STK40: variants seen among roughly 807,000 people sequenced by gnomAD.
STK40 encodes the protein serine/threonine-protein kinase 40.
A neutral mutation model predicts 47.9 loss-of-function variants in STK40; 13 were observed. The ratio of observed to expected loss-of-function variants is 0.27; its 90% confidence interval spans 0.18 to 0.43. The LOEUF (loss-of-function observed/expected upper bound fraction) is 0.43. Ranked by LOEUF, STK40 falls within the 20% of genes least tolerant of loss-of-function variation. The pLI is 1.00. For synonymous variants in STK40, 225 were observed against 243.2 expected, an observed-to-expected ratio of 0.93 and a Z score of 0.69; for missense variants, 460 against 595.1, an observed-to-expected ratio of 0.77 and a Z score of 2.36.
At chr1:36,377,447 T>C (rs1012248423) in intron 1 of STK40, among the ~76,000 whole-genome samples, 2 of 148,298 alleles carry the variant, frequency 1.3e-5, no homozygotes, top group Admixed American at 6.8e-5. Context: ...GCAGGAGAAT[T>C]GCTTGAACCT....
chr1:36,346,009 T>TTTTTTTTTTTC (rs1436531127), intron 7 of STK40, among the ~76,000 whole-genome samples: 3 of 122,046 alleles, frequency 2.5e-5, no homozygotes, highest in African/African-American at 7.6e-5. Flanking sequence ...TTTTTTTTTT[T>TTTTTTTTTTTC]CCTGAGACAG....
intron 1 of STK40, among the ~76,000 whole-genome samples, chr1:36,380,526 C>A (rs527328660): frequency 1.3e-5 from 2 of 152,318 alleles, no homozygotes; most frequent in East Asian, 3.9e-4. Context: ...CAGCTTCAGG[C>A]AGCAAATCCA....
At position 36,358,288 on chromosome 1, in the gene STK40, G is replaced by A; in HGVS notation, c.293C>T (p.Ser98Phe). 6.2e-7 allele frequency: 1 copy of A among 1,608,652 alleles called. No individual in the cohort carries two copies. The highest frequency in any genetic ancestry group is 8.5e-7 in the Non-Finnish European group (1 of 1,175,502). ...CACGCCATCCTGCGTGTGCAGGAGA[G>A]ACAGCAGTGAGTACTCGGTGTGCAG... The part of the protein sequence containing the change: ...MLLHTEYSLL[S>F]LLHTQDGVVH... Residue 98 changes from serine (S) to phenylalanine (F), a missense_variant, in exon 4 of 11, where the codon TCT becomes TTT. Physicochemically the swap from Ser to Phe is radical, Grantham distance 155. Coordinates refer to ENST00000373132, the MANE Select transcript of STK40 (RefSeq NM_001282547.2).
chr1:36,368,665 A>T (rs1174711960), intron 1 of STK40, among the ~76,000 whole-genome samples: 16 of 152,238 alleles, frequency 1.1e-4, no homozygotes, highest in Admixed American at 1.0e-3. Context: ...TCCATGTCAG[A>T]CAGTTAAAGA....
intron 4 of STK40, among the ~76,000 whole-genome samples, chr1:36,357,497 T>C (rs1035397074): frequency 5.3e-5 from 8 of 152,218 alleles, no homozygotes; most frequent in Non-Finnish European, 1.2e-4. Context: ...GAATGGTTCT[T>C]GTCAGGTACA....
At chr1:36,346,710 T>A (rs1465218846) in intron 7 of STK40, among the ~76,000 whole-genome samples, 1 of 152,208 alleles carries the variant, frequency 6.6e-6, no homozygotes, top group Non-Finnish European at 1.5e-5. Context: ...CCTCCAAGAC[T>A]GGCACGAGTC....
At position 36,343,404 on chromosome 1, in the gene STK40, T is replaced by A. The variant is rs1449900598; in HGVS notation, c.1049A>T (p.Asp350Val). Residue 350 changes from aspartate (D) to valine (V), a missense_variant, in exon 10 of 11, where the codon GAC becomes GTC. This residue lies in a region of STK40 where 181 missense variants were observed against 218.9 expected (regional missense o/e 0.83). Transcript: ENST00000373132. ...CGCATTGCTCATTTGGTCATCAATG[T>A]CAGGAACCACTTGCAAAGGCCCACT... ...SLSGPLQVVP[D>V]IDDQMSNADS... 3.7e-6 allele frequency: 6 copies of A among 1,613,746 alleles called. No homozygotes were observed. The South Asian group carries it at 6.6e-5, about 18-fold the overall frequency.
intron 1 of STK40, among the ~76,000 whole-genome samples, chr1:36,368,933 C>T (rs2124745527): frequency 6.6e-6 from 1 of 152,280 alleles, no homozygotes; most frequent in South Asian, 2.1e-4. Flanking sequence ...GTCATGAAGT[C>T]TGTAACTTAC....
chr1:36,357,378 G>A (rs565241356), intron 4 of STK40, among the ~76,000 whole-genome samples: 1 of 152,338 alleles, frequency 6.6e-6, no homozygotes, highest in African/African-American at 2.4e-5. Flanking sequence ...AGGGCTCAGT[G>A]GATGCTCAGC....
rs184689227 is a variant in STK40 at position 36,382,012 on chromosome 1, G to C, written c.-9+3711C>G. ...CCTCCTGCCCCCAGGACCCAGCAGA[G>C]CCCCAGCCACACATGGGAGCTCATG... is the stretch of plus-strand genomic sequence containing the variant. On this transcript the variant is annotated intron_variant, in intron 1 of 10. Transcript: ENST00000373132. Among the ~76,000 whole-genome samples the C allele has an allele frequency of 5.4e-3, 829 of 152,204 alleles. 10 individuals are homozygous for C. Among genetic ancestry groups the C allele is most frequent in the African/African-American group, 0.019 (791 of 41,522 alleles).
At chr1:36,364,508 C>T (rs780250778) in intron 1 of STK40, among the ~76,000 whole-genome samples, 2 of 152,102 alleles carry the variant, frequency 1.3e-5, no homozygotes, top group African/African-American at 4.8e-5. Flanking sequence ...TGCTTACTGG[C>T]TGTGTCTATT....
Position 36,341,850 on chromosome 1 carries a change from C to T in STK40, c.1213G>A (p.Gly405Ser), listed in dbSNP as rs200773119. 1.2e-5 allele frequency: 19 copies of T among 1,613,754 alleles called. No homozygotes were observed. Among genetic ancestry groups the T allele is most frequent in the Middle Eastern group, 1.7e-4 (1 of 5,880 alleles). Residue 405 changes from glycine (G) to serine (S), a missense_variant, in exon 11 of 11, where the codon GGC becomes AGC. Gly to Ser is a moderately conservative substitution (Grantham distance 56, BLOSUM62 0). Coordinates refer to ENST00000373132, the MANE Select transcript of STK40 (RefSeq NM_001282547.2). ...ARSWVPKRQF[G>S]SAPPVRRLGH... ...AGCCGTCGCACCGGTGGTGCGCTGC[C>T]GAACTGCCGCTTGGGTACCCAGCTC...
chr1:36,368,433 G>A (rs992378812), intron 1 of STK40, among the ~76,000 whole-genome samples: 1 of 152,128 alleles, frequency 6.6e-6, no homozygotes, highest in African/African-American at 2.4e-5. Flanking sequence ...AAAATGTTTT[G>A]TAGAGAGGAG....
At chr1:36,359,491 G>A (rs1438873109) in intron 2 of STK40, among the ~76,000 whole-genome samples, 2 of 152,200 alleles carry the variant, frequency 1.3e-5, no homozygotes, top group African/African-American at 4.8e-5. Context: ...GCCGCAACAG[G>A]TTCCCTGGAG....
intron 1 of STK40, among the ~76,000 whole-genome samples, chr1:36,385,378 G>A (rs750170229): frequency 6.6e-6 from 1 of 152,258 alleles, no homozygotes; most frequent in Admixed American, 6.5e-5. Context: ...GAAACACGGA[G>A]AGGCAGAAGG....
intron 6 of STK40, among the ~76,000 whole-genome samples, chr1:36,350,016 G>A (rs909667844): frequency 1.3e-5 from 2 of 152,180 alleles, no homozygotes; most frequent in African/African-American, 4.8e-5. Context: ...GGATTTCCCC[G>A]GGAGCCGCAT....
At chr1:36,358,403 A>G in intron 3 of STK40, 21 bp from the exon 4 acceptor site, 1 of 1,580,162 alleles carries the variant, frequency 6.3e-7, no homozygotes, top group Non-Finnish European at 8.7e-7. Context: ...GCATAAAAAT[A>G]AAACCAAAAC....
intron 2 of STK40, among the ~76,000 whole-genome samples, chr1:36,359,257 T>C (rs1403765652): frequency 6.6e-6 from 1 of 151,826 alleles, no homozygotes; most frequent in Non-Finnish European, 1.5e-5. Flanking sequence ...AAATAAAATA[T>C]TGGCTGAGCA....
At chr1:36,381,492 T>C (rs1647038827) in intron 1 of STK40, among the ~76,000 whole-genome samples, 1 of 152,112 alleles carries the variant, frequency 6.6e-6, no homozygotes, top group East Asian at 1.9e-4. Flanking sequence ...ATTCAAGTTC[T>C]TTTTTTGAGA....
Sources: allele counts gnomAD v4.1 joint callset (sites outside exome capture counted in the v4.1 genomes callset), GRCh38; gene constraint gnomAD v4.1.1; regional missense constraint gnomAD v4.1.1; transcripts MANE v1.5; gene names NCBI Gene and HGNC (gene_info 2026-07-23, HGNC 2026-07-21).